ANKRD30B: variants seen among roughly 807,000 people sequenced by gnomAD.
The protein encoded by ANKRD30B is ankyrin repeat domain 30B, also known as ankyrin repeat domain-containing protein 30B.
Under a neutral mutation model 202.2 loss-of-function variants are expected in ANKRD30B, and 144 were observed. The observed-to-expected ratio is 0.71, with a 90% CI of 0.62 to 0.82. The LOEUF (loss-of-function observed/expected upper bound fraction) is 0.82. ANKRD30B is among the 40% of genes least tolerant of loss of function. The pLI is 0.00. For missense variants in ANKRD30B, 1,487 were observed against 1,669.1 expected, an observed-to-expected ratio of 0.89 and a Z score of 1.90; for synonymous variants, 508 against 561.3, an observed-to-expected ratio of 0.91 and a Z score of 1.34.
At chr18:14,765,809 G>T (rs1334487910) in intron 7 of ANKRD30B, among the ~76,000 whole-genome samples, 1 of 152,052 alleles carries the variant, frequency 6.6e-6, no homozygotes, top group Non-Finnish European at 1.5e-5. Flanking sequence ...GACCCTTCCA[G>T]GGTAAAAGGA....
intron 30 of ANKRD30B, among the ~76,000 whole-genome samples, chr18:14,820,316 A>G (rs1970349331): frequency 6.6e-6 from 1 of 152,186 alleles, no homozygotes. Context: ...AAAGAGGGAC[A>G]ATTTGACTTC....
chr18:14,820,124 A>G (rs1970334419), intron 30 of ANKRD30B, among the ~76,000 whole-genome samples: 1 of 152,148 alleles, frequency 6.6e-6, no homozygotes. Flanking sequence ...CTTTGAAGCA[A>G]TTGTGAATGG....
chr18:14,884,878 G>A, the ANKRD30B span, among the ~76,000 whole-genome samples: 1 of 152,036 alleles, frequency 6.6e-6, no homozygotes, highest in Admixed American at 6.6e-5. Flanking sequence ...TGTCCCTGAA[G>A]GAACAAGTGA....
At chr18:14,889,719 C>T in the ANKRD30B span, among the ~76,000 whole-genome samples, 1 of 149,726 alleles carries the variant, frequency 6.7e-6, no homozygotes, top group Non-Finnish European at 1.5e-5. Context: ...CTAAAATGCA[C>T]ATGGAATTTT....
At chr18:14,871,051 ACCCCC>A in the ANKRD30B span, among the ~76,000 whole-genome samples, 1 of 58,328 alleles carries the variant, frequency 1.7e-5, no homozygotes, top group Non-Finnish European at 3.2e-5. Flanking sequence ...CCACCCACAC[ACCCCC>A]ACCCACACAC....
chr18:14,938,619 T>A, the ANKRD30B span, among the ~76,000 whole-genome samples: 33 of 152,312 alleles, frequency 2.2e-4, no homozygotes, highest in African/African-American at 6.7e-4. Context: ...GCAGTACTAA[T>A]AACAGACAGG....
downstream of ANKRD30B, among the ~76,000 whole-genome samples, chr18:14,854,748 G>C (rs1015730887): frequency 6.6e-6 from 1 of 151,366 alleles, no homozygotes; most frequent in Non-Finnish European, 1.5e-5. Flanking sequence ...ACTTGGTTCA[G>C]GATACTTTCT....
intron 18 of ANKRD30B, 59 bp downstream of exon 18, chr18:14,796,474 C>G (rs1267433682): frequency 6.8e-6 from 10 of 1,476,022 alleles, no homozygotes; most frequent in Non-Finnish European, 8.1e-6. Context: ...ATTTGAAATG[C>G]CGAGAGGCTT....
the ANKRD30B span, among the ~76,000 whole-genome samples, chr18:14,932,377 C>G: frequency 1.4e-4 from 21 of 151,994 alleles, no homozygotes; most frequent in Non-Finnish European, 2.2e-4. Context: ...CACTCTGTCG[C>G]CCAGGCTGGA....
At chr18:14,764,498 A>C (rs1258863734) in intron 7 of ANKRD30B, among the ~76,000 whole-genome samples, 1 of 151,974 alleles carries the variant, frequency 6.6e-6, no homozygotes, top group Non-Finnish European at 1.5e-5. Context: ...GGTTCATGCA[A>C]TTCTCCTGCC....
At chr18:14,879,432 A>G in the ANKRD30B span, among the ~76,000 whole-genome samples, 2 of 152,160 alleles carry the variant, frequency 1.3e-5, no homozygotes, top group Non-Finnish European at 2.9e-5. Flanking sequence ...CACTGCCTCA[A>G]TACAAAAATA....
At chr18:14,824,017 A>G (rs1455883986) in intron 32 of ANKRD30B, among the ~76,000 whole-genome samples, 6 of 152,122 alleles carry the variant, frequency 3.9e-5, no homozygotes, top group African/African-American at 1.4e-4. Context: ...TTCACCACAT[A>G]TGTGTGTGGT....
At chr18:14,926,105 A>G in the ANKRD30B span, among the ~76,000 whole-genome samples, 1 of 152,144 alleles carries the variant, frequency 6.6e-6, no homozygotes. Flanking sequence ...TTAGCCCAAC[A>G]CGGCAGCGAG....
In ANKRD30B at chr18:14,852,098, G is replaced by A; in HGVS notation, c.4154G>A (p.Arg1385Lys). ...GCATTGGTTTCAGAACATGCACAAA[G>A]AGACCGATGTGAAACACAGTGTCAA... ...ENALVSEHAQ[R>K]DRCETQCQMK... is the part of the protein sequence containing the mutation. Residue 1385 changes from arginine to lysine, a missense_variant, in exon 42 of 44, where the codon AGA becomes AAA. Transcript: ENST00000690538. The A allele has an allele frequency of 6.2e-7, 1 of 1,608,830 alleles. No individual in the cohort carries two copies. Among genetic ancestry groups the A allele is most frequent in the Non-Finnish European group, 8.5e-7 (1 of 1,177,024 alleles).
chr18:14,931,649 C>G, the ANKRD30B span, among the ~76,000 whole-genome samples: 147,982 of 152,228 alleles, frequency 0.97, 72,083 homozygotes, highest in East Asian at 1. Context: ...GCGCATGGAA[C>G]ATAAAATAGG....
At chr18:14,751,921 A>G (rs1366964656) in intron 1 of ANKRD30B, among the ~76,000 whole-genome samples, 2 of 152,176 alleles carry the variant, frequency 1.3e-5, no homozygotes, top group African/African-American at 4.8e-5. Flanking sequence ...TTATGCACCA[A>G]TTAAAGATTG....
the ANKRD30B span, among the ~76,000 whole-genome samples, chr18:14,860,996 C>T: frequency 6.6e-6 from 1 of 152,118 alleles, no homozygotes; most frequent in African/African-American, 2.4e-5. Context: ...CCACTGCACC[C>T]AGCCAGTGCA....
At chr18:14,811,531 A>T (rs1568038471) in intron 28 of ANKRD30B, among the ~76,000 whole-genome samples, 1 of 148,500 alleles carries the variant, frequency 6.7e-6, no homozygotes, top group Non-Finnish European at 1.5e-5. Flanking sequence ...TTACACTAGT[A>T]CCATTTATTG....
chr18:14,912,811 G>T, the ANKRD30B span, among the ~76,000 whole-genome samples: 1 of 152,126 alleles, frequency 6.6e-6, no homozygotes, highest in Non-Finnish European at 1.5e-5. Context: ...GTTCTGTTTT[G>T]GATTTCTACT....
Sources: allele counts gnomAD v4.1 joint callset (sites outside exome capture counted in the v4.1 genomes callset), GRCh38; gene constraint gnomAD v4.1.1; transcripts MANE v1.5; gene names NCBI Gene and HGNC (gene_info 2026-07-23, HGNC 2026-07-21).